The following STON1 variants were observed in gnomAD, a reference collection of about 807,000 sequenced individuals.
STON1 encodes the protein stonin 1, also known as stonin-1.
Under a neutral mutation model 60.9 loss-of-function variants are expected in STON1, and 79 were observed. That is an observed-to-expected ratio of 1.30 (90% CI 1.08 to 1.56). The LOEUF (loss-of-function observed/expected upper bound fraction) is 1.56. STON1 is among the 40% of genes most tolerant of loss of function. STON1 has a pLI of 0.00. For synonymous variants in STON1, 363 were observed against 306.9 expected (o/e 1.18, Z -1.91); for missense variants, 1,166 against 858.9 (o/e 1.36, Z -4.47).
intron 1 of STON1, among the ~76,000 whole-genome samples, chr2:48,549,562 A>G (rs1162053335): frequency 2.0e-5 from 3 of 152,198 alleles, no homozygotes; most frequent in Non-Finnish European, 4.4e-5. Flanking sequence ...CTGTAATCCC[A>G]GCACTTTGGG....
chr2:48,580,770 G>C lies in STON1; in HGVS notation c.137G>C (p.Gly46Ala), dbSNP rs370606309. ...RPNGLKLNLP[G>A]LREFPSGSSS... ...AATGGACTGAAGCTGAACCTTCCTG[G>C]CCTCAGGGAATTTCCCAGTGGATCT... Residue 46 changes from glycine to alanine, a missense_variant, in exon 2 of 4, where the codon GGC becomes GCC. Physicochemically the swap from Gly to Ala is moderately conservative, Grantham distance 60 (BLOSUM62 0). Coordinates refer to ENST00000404752, the MANE Select transcript of STON1 (RefSeq NM_006873.4). The C allele has an allele frequency of 1.5e-5, 24 of 1,557,176 alleles. No homozygotes were observed. Among genetic ancestry groups the C allele is most frequent in the Non-Finnish European group, 2.1e-5 (24 of 1,152,940 alleles).
chr2:48,573,133 G>C (rs1030301936), intron 1 of STON1, among the ~76,000 whole-genome samples: 1 of 152,192 alleles, frequency 6.6e-6, no homozygotes, highest in Admixed American at 6.5e-5. Context: ...CAGTGGGCTG[G>C]AGGGAGAAAA....
intron 1 of STON1, among the ~76,000 whole-genome samples, chr2:48,542,525 A>T (rs946924935): frequency 6.6e-6 from 1 of 152,240 alleles, no homozygotes; most frequent in Non-Finnish European, 1.5e-5. Flanking sequence ...TATTATAAGC[A>T]TTATGTTAAT....
At position 48,580,676 on chromosome 2, in the gene STON1, G is replaced by A. The variant is rs776912684; in HGVS notation, c.43G>A (p.Asp15Asn). The A allele has an allele frequency of 2.1e-6, 3 of 1,418,108 alleles. No homozygotes were observed. In the South Asian group the frequency reaches 5.6e-5, roughly 26 times the overall value. 87.8% of individuals were successfully genotyped at this position (1,418,108 alleles called of 1,614,324 possible). The change falls in exon 2 of 4, where the codon GAT becomes AAT. Residue 15 changes from aspartate (D) to asparagine (N), a missense_variant. Physicochemically the swap from Asp to Asn is conservative, Grantham distance 23 (BLOSUM62 1). Coordinates refer to ENST00000404752, the MANE Select transcript of STON1 (RefSeq NM_006873.4). The stretch of plus-strand genomic sequence containing the variant: ...AGGCAAATGGGTCACCTTTGATGAT[G>A]ATCCTGCTGTTCAATCTTCTCAAAA... ...NPGKWVTFDDDPAVQSSQKSK... is the reference protein window; with the variant it reads ...NPGKWVTFDDNPAVQSSQKSK...
intron 1 of STON1, among the ~76,000 whole-genome samples, chr2:48,570,905 C>T (rs1673174605): frequency 6.9e-6 from 1 of 145,330 alleles, no homozygotes; most frequent in Non-Finnish European, 1.5e-5. Context: ...CACTATCCCC[C>T]AGGCTGGAGT....
intron 1 of STON1, among the ~76,000 whole-genome samples, chr2:48,574,693 C>T (rs533758417): frequency 1.3e-5 from 2 of 152,114 alleles, no homozygotes; most frequent in Non-Finnish European, 2.9e-5. Flanking sequence ...AAAGTGTAAA[C>T]CTCACATATT....
At chr2:48,545,854 C>T (rs957509691) in intron 1 of STON1, among the ~76,000 whole-genome samples, 1 of 152,178 alleles carries the variant, frequency 6.6e-6, no homozygotes, top group African/African-American at 2.4e-5. Flanking sequence ...CAGGTACCTA[C>T]ATATCACAAT....
chr2:48,592,232 T>G (rs1674562966), intron 3 of STON1, among the ~76,000 whole-genome samples: 1 of 152,164 alleles, frequency 6.6e-6, no homozygotes, highest in Non-Finnish European at 1.5e-5. Context: ...GTATACTAAA[T>G]TAATGTTAAA....
At chr2:48,558,430 A>G (rs1672473584) in intron 1 of STON1, among the ~76,000 whole-genome samples, 1 of 152,214 alleles carries the variant, frequency 6.6e-6, no homozygotes, top group Non-Finnish European at 1.5e-5. Context: ...ATGGTCAGCA[A>G]CAGCCTAGGA....
At position 48,543,460 on chromosome 2, in the gene STON1, C is replaced by T. The variant is rs1292765904; in HGVS notation, c.-48+13244C>T. On this transcript the variant is annotated intron_variant, in intron 1 of 3. Transcript: ENST00000404752. ...ATGTCCCTCTTAACCAGAAATATCTCTTTGCCTTATTTGTTAATGCTCCTG... is the reference window on the plus strand; with the variant it reads ...ATGTCCCTCTTAACCAGAAATATCTTTTTGCCTTATTTGTTAATGCTCCTG... 2.0e-5 allele frequency among the ~76,000 whole-genome samples: 3 copies of T among 150,716 alleles called. No homozygotes were observed. The East Asian group carries it at 5.8e-4, about 29-fold the overall frequency.
In STON1 at chr2:48,582,575, A is replaced by C. The variant is rs756471683; in HGVS notation, c.1930+12A>C. 1.2e-6 allele frequency: 2 copies of C among 1,602,588 alleles called. No homozygotes were observed. The highest frequency in any genetic ancestry group is 2.2e-5 in the South Asian group (2 of 89,090). ...AGACAAAAATTCAAGTAAATATTCAACACCCCAAGTTTATTTTCATGGGAA... is the reference window on the plus strand; with the variant it reads ...AGACAAAAATTCAAGTAAATATTCACCACCCCAAGTTTATTTTCATGGGAA... On this transcript the variant is annotated intron_variant, in intron 2 of 3. Coordinates refer to ENST00000404752, the MANE Select transcript of STON1 (RefSeq NM_006873.4).
intron 2 of STON1, among the ~76,000 whole-genome samples, chr2:48,582,764 G>C (rs1271520132): frequency 4.6e-5 from 7 of 152,170 alleles, no homozygotes; most frequent in African/African-American, 1.7e-4. Context: ...AAGTTTAACT[G>C]TTGAACATTT....
intron 1 of STON1, among the ~76,000 whole-genome samples, chr2:48,548,759 C>G (rs568416579): frequency 3.9e-5 from 6 of 152,280 alleles, no homozygotes; most frequent in African/African-American, 1.2e-4. Context: ...CTCACCCTCC[C>G]AAAGTGCTGG....
At chr2:48,553,356 C>G (rs931006393) in intron 1 of STON1, among the ~76,000 whole-genome samples, 2 of 150,784 alleles carry the variant, frequency 1.3e-5, no homozygotes, top group African/African-American at 4.9e-5. Flanking sequence ...AGACCCTTCC[C>G]TTCCCTTCTC....
At position 48,582,559 on chromosome 2, in the gene STON1, T is replaced by C. The variant is rs996606453; in HGVS notation, c.1926T>C (p.Asn642=). 1.2e-6 allele frequency: 2 copies of C among 1,605,648 alleles called. No individual in the cohort carries two copies. Among genetic ancestry groups the C allele is most frequent in the Non-Finnish European group, 8.5e-7 (1 of 1,176,686 alleles). The change falls in exon 2 of 4, where the codon AAT becomes AAC. Residue 642 remains asparagine, a synonymous_variant. Transcript: ENST00000404752. ...VWKIDRLPDK[N]SSLDHPHCLS... ...AGATAGATCGGCTTCCAGACAAAAA[T>C]TCAAGTAAATATTCAACACCCCAAG...
At chr2:48,557,016 G>C (rs1439595159) in intron 1 of STON1, among the ~76,000 whole-genome samples, 67 of 88,000 alleles carry the variant, frequency 7.6e-4, no homozygotes, top group African/African-American at 1.9e-3. Context: ...CTGCCCGGGC[G>C]GGGGGGCTGA....
chr2:48,567,977 C>G (rs1673020888), intron 1 of STON1, among the ~76,000 whole-genome samples: 1 of 152,126 alleles, frequency 6.6e-6, no homozygotes, highest in African/African-American at 2.4e-5. Context: ...CCAATGGAAC[C>G]GCACAGACAC....
At chr2:48,586,427 T>G (rs547047732) in intron 2 of STON1, among the ~76,000 whole-genome samples, 1 of 152,156 alleles carries the variant, frequency 6.6e-6, no homozygotes, top group Admixed American at 6.5e-5. Flanking sequence ...AAATGCACTG[T>G]GGAAAAGTGC....
At chr2:48,579,107 G>A (rs556008205) in intron 1 of STON1, among the ~76,000 whole-genome samples, 23 of 151,628 alleles carry the variant, frequency 1.5e-4, no homozygotes, top group African/African-American at 5.3e-4. Flanking sequence ...GGGCTCAAGC[G>A]ATTTTCCTGC....
Sources: allele counts gnomAD v4.1 joint callset (sites outside exome capture counted in the v4.1 genomes callset), GRCh38; gene constraint gnomAD v4.1.1; transcripts MANE v1.5; gene names NCBI Gene and HGNC (gene_info 2026-07-23, HGNC 2026-07-21).